Variants in ABTB3 observed in about 807,000 individuals in gnomAD.
ABTB3 encodes ankyrin repeat- and BTB/POZ domain-containing protein 3.
chr12:107,418,941 AT>A, the ABTB3 span, among the ~76,000 whole-genome samples: 4 of 152,112 alleles, frequency 2.6e-5, no homozygotes, highest in African/African-American at 9.7e-5. Context: ...CTTCCCTAGG[AT>A]TTTTTTCAAG....
chr12:107,656,826 T>C, the ABTB3 span, among the ~76,000 whole-genome samples: 48,103 of 152,014 alleles, frequency 0.32, 7,911 homozygotes, highest in East Asian at 0.57. Context: ...ACCAGGAAGC[T>C]TTGTACTCTG....
the ABTB3 span, among the ~76,000 whole-genome samples, chr12:107,595,226 A>C: frequency 6.6e-6 from 1 of 152,212 alleles, no homozygotes; most frequent in Non-Finnish European, 1.5e-5. Flanking sequence ...TAAGAAGGTA[A>C]GGCGTTGGGC....
At chr12:107,330,080 A>G in the ABTB3 span, among the ~76,000 whole-genome samples, 293 of 152,266 alleles carry the variant, frequency 1.9e-3, 2 homozygotes, top group African/African-American at 6.7e-3. Flanking sequence ...AGGTAGGAAG[A>G]ATACTTGGTG....
chr12:107,423,504 T>A, the ABTB3 span, among the ~76,000 whole-genome samples: 1 of 152,180 alleles, frequency 6.6e-6, no homozygotes, highest in Admixed American at 6.5e-5. Flanking sequence ...GAGCACACTG[T>A]ATCCAGCTAT....
chr12:107,480,492 A>T, the ABTB3 span, among the ~76,000 whole-genome samples: 1 of 152,160 alleles, frequency 6.6e-6, no homozygotes, highest in African/African-American at 2.4e-5. Flanking sequence ...GAGGGAGATG[A>T]TGTGTCCAAA....
the ABTB3 span, among the ~76,000 whole-genome samples, chr12:107,548,652 T>C: frequency 6.6e-6 from 1 of 152,224 alleles, no homozygotes; most frequent in African/African-American, 2.4e-5. Flanking sequence ...ATATTTTTAT[T>C]TTACAAAACT....
the ABTB3 span, among the ~76,000 whole-genome samples, chr12:107,360,930 A>ATTTT: frequency 0.14 from 12,023 of 84,066 alleles, 1,355 homozygotes; most frequent in South Asian, 0.26. Flanking sequence ...ATTTAATTTA[A>ATTTT]TTTTTTTTTT....
chr12:107,519,889 A>C, the ABTB3 span, among the ~76,000 whole-genome samples: 1 of 152,214 alleles, frequency 6.6e-6, no homozygotes, highest in Admixed American at 6.5e-5. Flanking sequence ...GGAAAGAAAG[A>C]GGATAATTGG....
the ABTB3 span, among the ~76,000 whole-genome samples, chr12:107,619,431 T>C: frequency 2.6e-5 from 4 of 152,180 alleles, no homozygotes; most frequent in Non-Finnish European, 5.9e-5. Flanking sequence ...CATGTCTTCT[T>C]ATTCGGGTAT....
At chr12:107,519,806 A>G in the ABTB3 span, among the ~76,000 whole-genome samples, 4 of 152,362 alleles carry the variant, frequency 2.6e-5, no homozygotes, top group Admixed American at 2.6e-4. Context: ...GTGGCAAAGG[A>G]AAGAGTGAAT....
the ABTB3 span, among the ~76,000 whole-genome samples, chr12:107,636,677 T>C: frequency 6.6e-6 from 1 of 152,240 alleles, no homozygotes; most frequent in Admixed American, 6.5e-5. Flanking sequence ...AGAGGAAAAC[T>C]GGGATGTGCC....
the ABTB3 span, among the ~76,000 whole-genome samples, chr12:107,531,195 C>T: frequency 2.0e-4 from 31 of 152,192 alleles, no homozygotes; most frequent in African/African-American, 7.0e-4. Context: ...GTATCTCTAA[C>T]CTCTAGATGC....
chr12:107,354,773 T>C, the ABTB3 span, among the ~76,000 whole-genome samples: 3 of 152,188 alleles, frequency 2.0e-5, no homozygotes, highest in African/African-American at 4.8e-5. Flanking sequence ...TTATTATCTG[T>C]ATTTTTGATT....
At chr12:107,649,512 T>A in the ABTB3 span, 1 of 511,210 alleles carries the variant, frequency 2.0e-6, no homozygotes, top group Non-Finnish European at 3.6e-6. Flanking sequence ...CTTGCCTGAC[T>A]GCTTTTAGTA....
chr12:107,478,484 G>A, the ABTB3 span, among the ~76,000 whole-genome samples: 1 of 152,126 alleles, frequency 6.6e-6, no homozygotes, highest in African/African-American at 2.4e-5. Context: ...CTAGGGATAT[G>A]GATTGAATAG....
At chr12:107,522,346 TC>T in the ABTB3 span, among the ~76,000 whole-genome samples, 1 of 152,144 alleles carries the variant, frequency 6.6e-6, no homozygotes, top group Non-Finnish European at 1.5e-5. Context: ...TAAGATATAC[TC>T]TATATTTTTG....
the ABTB3 span, among the ~76,000 whole-genome samples, chr12:107,408,692 G>A: frequency 1.1e-4 from 17 of 152,326 alleles, no homozygotes; most frequent in African/African-American, 3.8e-4. Flanking sequence ...ACTGGACTTC[G>A]GTATCTTGAG....
At chr12:107,327,617 C>T in the ABTB3 span, among the ~76,000 whole-genome samples, 34 of 152,330 alleles carry the variant, frequency 2.2e-4, no homozygotes, top group African/African-American at 8.2e-4. Context: ...GCTCTGACTG[C>T]CAAGTTATCA....
At chr12:107,640,829 T>A in the ABTB3 span, among the ~76,000 whole-genome samples, 1 of 152,246 alleles carries the variant, frequency 6.6e-6, no homozygotes, top group Admixed American at 6.5e-5. Flanking sequence ...AGTAGTATCA[T>A]GTAACAATAG....
Sources: gnomAD v4.1 joint callset for allele counts (sites outside exome capture counted in the v4.1 genomes callset) on GRCh38, gnomAD v4.1.1 for gene constraint, MANE v1.5 for transcripts, NCBI Gene and HGNC (gene_info 2026-07-23, HGNC 2026-07-21) for gene names.